Variants in CCDC141 observed in about 807,000 individuals in gnomAD.
CCDC141 encodes coiled-coil domain-containing protein 141.
Under a neutral mutation model 181.0 loss-of-function variants are expected in CCDC141, and 168 were observed. The ratio of observed to expected loss-of-function variants is 0.93; its 90% CI spans 0.82 to 1.05. CCDC141 has a LOEUF of 1.05. CCDC141 is among the 50% of genes least tolerant of loss of function. The pLI is 0.00. For synonymous variants in CCDC141, 666 were observed against 642.3 expected (o/e 1.04, Z -0.56); for missense variants, 1,902 against 1,788.5 (o/e 1.06, Z -1.14).
chr2:178,828,133 G>A (rs1684152217), downstream of CCDC141, among the ~76,000 whole-genome samples: 1 of 152,016 alleles, frequency 6.6e-6, no homozygotes. Context: ...TGACACTACT[G>A]AACCCGGTAG....
chr2:178,882,579 T>G (rs1686675345), intron 11 of CCDC141, among the ~76,000 whole-genome samples: 1 of 151,976 alleles, frequency 6.6e-6, no homozygotes, highest in South Asian at 2.1e-4. Context: ...TCTCAATGGC[T>G]TCATTTTTTT....
chr2:178,981,600 T>C (rs1691395995), intron 2 of CCDC141, among the ~76,000 whole-genome samples: 1 of 137,358 alleles, frequency 7.3e-6, no homozygotes, highest in African/African-American at 2.7e-5. Context: ...ACAGCAGTGC[T>C]TAAAGAAAAA....
intron 2 of CCDC141, among the ~76,000 whole-genome samples, chr2:179,018,208 G>T (rs568931271): frequency 1.8e-4 from 27 of 152,148 alleles, no homozygotes; most frequent in African/African-American, 6.0e-4. Context: ...AAGGATTATG[G>T]ACTTTCTCTT....
At chr2:178,910,212 A>C (rs1236723552) in intron 7 of CCDC141, among the ~76,000 whole-genome samples, 1 of 152,228 alleles carries the variant, frequency 6.6e-6, no homozygotes, top group Non-Finnish European at 1.5e-5. Context: ...TGCAAGACGA[A>C]TTCAAACAAG....
intron 2 of CCDC141, among the ~76,000 whole-genome samples, chr2:179,041,760 A>G (rs771033136): frequency 6.6e-5 from 10 of 152,184 alleles, no homozygotes; most frequent in Admixed American, 3.3e-4. Context: ...CAAGATTTGC[A>G]TTCCAAGTTT....
At chr2:178,839,627 G>A (rs1416380769) in intron 22 of CCDC141, among the ~76,000 whole-genome samples, 2 of 133,348 alleles carry the variant, frequency 1.5e-5, no homozygotes, top group African/African-American at 5.5e-5. Context: ...AGGTTGAAGA[G>A]TCGAAGCAAA....
At chr2:178,983,415 C>T (rs1691543661) in intron 2 of CCDC141, among the ~76,000 whole-genome samples, 1 of 152,220 alleles carries the variant, frequency 6.6e-6, no homozygotes, top group African/African-American at 2.4e-5. Flanking sequence ...CACCTCTCCT[C>T]CTCCAAAGGA....
chr2:178,911,940 G>T (rs1006903011), intron 7 of CCDC141, among the ~76,000 whole-genome samples: 4 of 152,180 alleles, frequency 2.6e-5, no homozygotes, highest in African/African-American at 9.7e-5. Context: ...TGTGTTCCTT[G>T]TATATTAAAG....
At position 178,850,142 on chromosome 2, in the gene CCDC141, T is replaced by G; in HGVS notation, c.3264A>C (p.Lys1088Asn). Residue 1088 changes from lysine to asparagine, a missense_variant, in exon 21 of 24, where the codon AAA (lysine) becomes AAC (asparagine). By Grantham distance (94) the Lys-to-Asn change is moderately conservative. Coordinates refer to ENST00000443758, the MANE Select transcript of CCDC141 (RefSeq NM_173648.4). ...QHLYGLEEGQ[K>N]YIEKIVTKHK... ...GTTTTGTCACTATTTTCTCAATATATTTCTGTCCTTCTTCCAAACCTGGGG... is the reference window on the plus strand; with the variant it reads ...GTTTTGTCACTATTTTCTCAATATAGTTCTGTCCTTCTTCCAAACCTGGGG... 1.2e-6 allele frequency: 2 copies of G among 1,604,186 alleles called. No homozygotes were observed. Among genetic ancestry groups the G allele is most frequent in the South Asian group, 1.1e-5 (1 of 89,562 alleles).
intron 5 of CCDC141, among the ~76,000 whole-genome samples, chr2:178,958,929 G>A (rs1015016310): frequency 6.6e-6 from 1 of 150,832 alleles, no homozygotes; most frequent in African/African-American, 2.4e-5. Context: ...CTGGATAAGA[G>A]ATGTTGAGGT....
chr2:179,005,061 A>ATTT (rs2042085746), intron 2 of CCDC141, among the ~76,000 whole-genome samples: 1 of 152,192 alleles, frequency 6.6e-6, no homozygotes, highest in Non-Finnish European at 1.5e-5. Flanking sequence ...AGCCACAAAA[A>ATTT]TTTTTTTGGC....
intron 4 of CCDC141, among the ~76,000 whole-genome samples, chr2:178,964,316 G>A (rs1402293529): frequency 6.6e-6 from 1 of 152,086 alleles, no homozygotes; most frequent in Non-Finnish European, 1.5e-5. Flanking sequence ...AGGCAACAGG[G>A]TCTCCACAGG....
At chr2:178,972,731 A>G (rs1025368098) in intron 4 of CCDC141, among the ~76,000 whole-genome samples, 7 of 152,228 alleles carry the variant, frequency 4.6e-5, no homozygotes, top group African/African-American at 1.7e-4. Flanking sequence ...AGAAGTCAGG[A>G]GAAGGTATAT....
chr2:178,987,898 G>A (rs2154381985), intron 2 of CCDC141, among the ~76,000 whole-genome samples: 1 of 151,012 alleles, frequency 6.6e-6, no homozygotes, highest in East Asian at 2.0e-4. Context: ...AACCATTGTG[G>A]AAGTCAGTGT....
chr2:178,980,580 T>C (rs2154380996), intron 2 of CCDC141, among the ~76,000 whole-genome samples: 1 of 152,290 alleles, frequency 6.6e-6, no homozygotes, highest in Admixed American at 6.5e-5. Flanking sequence ...GTAGAAAAGC[T>C]TTGAGATATT....
intron 3 of CCDC141, among the ~76,000 whole-genome samples, chr2:178,977,805 G>GTC (rs1186633457): frequency 6.6e-6 from 1 of 152,088 alleles, no homozygotes; most frequent in Non-Finnish European, 1.5e-5. Context: ...TCCAATAACT[G>GTC]TCTTATACCA....
At chr2:179,042,933 GC>G (rs2043359291) in intron 2 of CCDC141, among the ~76,000 whole-genome samples, 1 of 151,996 alleles carries the variant, frequency 6.6e-6, no homozygotes, top group Non-Finnish European at 1.5e-5. Context: ...CTAAAAGCTA[GC>G]TTTTTGAAGA....
chr2:179,023,323 C>A (rs2042739929), intron 2 of CCDC141, among the ~76,000 whole-genome samples: 1 of 152,062 alleles, frequency 6.6e-6, no homozygotes, highest in Admixed American at 6.6e-5. Flanking sequence ...GAAACTGAGG[C>A]AGAAAGAGGA....
intron 3 of CCDC141, among the ~76,000 whole-genome samples, chr2:178,977,535 G>GA (rs1691173128): frequency 6.6e-6 from 1 of 152,116 alleles, no homozygotes. Context: ...TTCAAATTGT[G>GA]AAAAACAAGC....
Sources: allele counts gnomAD v4.1 joint callset (sites outside exome capture counted in the v4.1 genomes callset), GRCh38; gene constraint gnomAD v4.1.1; transcripts MANE v1.5; gene names NCBI Gene and HGNC (gene_info 2026-07-23, HGNC 2026-07-21).